The following PTPN9 variants were observed in gnomAD, a reference collection of about 807,000 sequenced individuals.
PTPN9 encodes the protein protein tyrosine phosphatase non-receptor type 9, also known as tyrosine-protein phosphatase non-receptor type 9.
PTPN9 carries 26 observed loss-of-function variants against 69.8 expected under a neutral mutation model. The observed-to-expected ratio is 0.37, with a 90% confidence interval of 0.27 to 0.52. The LOEUF (loss-of-function observed/expected upper bound fraction) is 0.52, where lower values mean the gene tolerates loss of function less well. Ranked by LOEUF, PTPN9 falls within the 20% of genes least tolerant of loss-of-function variation. The pLI is 0.91. For synonymous variants in PTPN9, 274 were observed against 272.5 expected (o/e 1.01, Z -0.05); for missense variants, 549 against 740.3 (o/e 0.74, Z 3.00).
intron 1 of PTPN9, among the ~76,000 whole-genome samples, chr15:75,536,155 C>CA (rs2074981538): frequency 6.6e-6 from 1 of 152,104 alleles, no homozygotes; most frequent in Non-Finnish European, 1.5e-5. Flanking sequence ...TCTGTGCACA[C>CA]ACACATTTAA....
At chr15:75,569,906 CT>C (rs1167761401) in intron 1 of PTPN9, among the ~76,000 whole-genome samples, 1 of 151,948 alleles carries the variant, frequency 6.6e-6, no homozygotes, top group African/African-American at 2.4e-5. Flanking sequence ...ACAGCAACCC[CT>C]GCCTCCCGGT....
At chr15:75,575,519 C>T (rs571445327) in intron 1 of PTPN9, among the ~76,000 whole-genome samples, 2 of 152,270 alleles carry the variant, frequency 1.3e-5, no homozygotes, top group East Asian at 1.9e-4. Flanking sequence ...TTGGTTTGAG[C>T]AATAGGGCAG....
At chr15:75,484,239 G>T (rs1332926457) in intron 8 of PTPN9, among the ~76,000 whole-genome samples, 2 of 152,128 alleles carry the variant, frequency 1.3e-5, no homozygotes, top group African/African-American at 4.8e-5. Flanking sequence ...TTATTTACAA[G>T]AAAAGGGTCC....
rs1486140170 is a variant in PTPN9 at position 75,492,131 on chromosome 15, C to A, written c.969-1830G>T. ...CAAGCAATCCTCCCGCCTCAGCCTC[C>A]CAAAGTGCTGGGATTATAGGTGTGA... On this transcript the variant is annotated intron_variant, in intron 7 of 12. Transcript: ENST00000618819. Among the ~76,000 whole-genome samples, 4 of 152,128 alleles carry A rather than the reference C, an allele frequency of 2.6e-5. No homozygotes were observed. The East Asian group carries it at 7.7e-4, about 29-fold the overall frequency.
intron 1 of PTPN9, among the ~76,000 whole-genome samples, chr15:75,551,034 G>A (rs2075054698): frequency 6.6e-6 from 1 of 152,194 alleles, no homozygotes; most frequent in South Asian, 2.1e-4. Context: ...GCTGGGCCAT[G>A]AGGCAAGTAC....
At chr15:75,526,139 G>A (rs548689576) in intron 2 of PTPN9, among the ~76,000 whole-genome samples, 18 of 151,874 alleles carry the variant, frequency 1.2e-4, no homozygotes, top group African/African-American at 4.1e-4. Flanking sequence ...GGGAATACAG[G>A]TGCCACTACA....
At chr15:75,551,473 C>A (rs1361487363) in intron 1 of PTPN9, among the ~76,000 whole-genome samples, 1 of 152,154 alleles carries the variant, frequency 6.6e-6, no homozygotes, top group Non-Finnish European at 1.5e-5. Flanking sequence ...GATTCTCCTG[C>A]CTCTGCCTCC....
At chr15:75,539,668 A>C (rs1005803198) in intron 1 of PTPN9, among the ~76,000 whole-genome samples, 1 of 150,788 alleles carries the variant, frequency 6.6e-6, no homozygotes, top group Admixed American at 6.6e-5. Context: ...TGAATATGTG[A>C]ACTTTTTTAT....
intron 1 of PTPN9, among the ~76,000 whole-genome samples, chr15:75,572,685 C>T (rs535190601): frequency 2.6e-5 from 4 of 151,090 alleles, no homozygotes; most frequent in East Asian, 2.0e-4. Flanking sequence ...CCAGCCTGGG[C>T]GACAGAGCGA....
intron 1 of PTPN9, among the ~76,000 whole-genome samples, chr15:75,574,288 A>AC: frequency 7.3e-6 from 1 of 136,566 alleles, no homozygotes; most frequent in Non-Finnish European, 1.6e-5. Context: ...CTGTCTCCAC[A>AC]AAAAAAAAAA....
intron 7 of PTPN9, among the ~76,000 whole-genome samples, chr15:75,496,727 G>A (rs886539654): frequency 3.3e-5 from 5 of 151,794 alleles, no homozygotes; most frequent in African/African-American, 1.2e-4. Context: ...GGCTGGTCTT[G>A]AAATCCTAGG....
chr15:75,501,988 T>A (rs1271025577), intron 7 of PTPN9, among the ~76,000 whole-genome samples: 3 of 151,804 alleles, frequency 2.0e-5, no homozygotes, highest in Non-Finnish European at 4.4e-5. Flanking sequence ...CAAAACCCCA[T>A]CTCTTCAAAA....
chr15:75,578,595 G>A, intron 1 of PTPN9, 119 bp downstream of exon 1: 1 of 852,352 alleles, frequency 1.2e-6, no homozygotes, highest in Non-Finnish European at 1.6e-6. Context: ...CGCGAGCCGG[G>A]CACGGGAGCG....
Position 75,508,901 on chromosome 15 carries a change from G to T in PTPN9, c.639+16C>A, listed in dbSNP as rs2074832772. 6.3e-7 allele frequency: 1 copy of T among 1,583,428 alleles called. No homozygotes were observed. Among genetic ancestry groups the T allele is most frequent in the Non-Finnish European group, 8.7e-7 (1 of 1,153,710 alleles). ...ATCTATTCACCTCCAGATAAAAAAG[G>T]GCAAGCTTGCCTTACCCTCTCCCGG... On this transcript the variant is annotated intron_variant, in intron 6 of 12. Transcript: ENST00000618819.
At chr15:75,508,385 C>T (rs1039333027) in intron 6 of PTPN9, among the ~76,000 whole-genome samples, 3 of 151,824 alleles carry the variant, frequency 2.0e-5, no homozygotes, top group Non-Finnish European at 4.4e-5. Context: ...TAATTTTGAA[C>T]GCTTTTGAAA....
At chr15:75,526,564 CA>C (rs1303888346) in intron 2 of PTPN9, among the ~76,000 whole-genome samples, 1 of 151,996 alleles carries the variant, frequency 6.6e-6, no homozygotes, top group Non-Finnish European at 1.5e-5. Flanking sequence ...AGCACAAAAC[CA>C]AAGTCTATGC....
chr15:75,482,143 G>T (rs1286091938), intron 8 of PTPN9, among the ~76,000 whole-genome samples: 4 of 151,588 alleles, frequency 2.6e-5, no homozygotes, highest in Non-Finnish European at 5.9e-5. Context: ...GGATCCTGTT[G>T]ATCTGTGACC....
intron 1 of PTPN9, among the ~76,000 whole-genome samples, chr15:75,573,111 G>C (rs1419329426): frequency 6.6e-6 from 1 of 152,212 alleles, no homozygotes; most frequent in Non-Finnish European, 1.5e-5. Context: ...GTGTAAAAGA[G>C]GAAACACTGG....
At chr15:75,578,397 T>C (rs2075183350) in intron 1 of PTPN9, among the ~76,000 whole-genome samples, 1 of 152,074 alleles carries the variant, frequency 6.6e-6, no homozygotes, top group African/African-American at 2.4e-5. Context: ...GCAGCGGTTC[T>C]GCAAATCTCG....
Sources: allele counts gnomAD v4.1 joint callset (sites outside exome capture counted in the v4.1 genomes callset), GRCh38; gene constraint gnomAD v4.1.1; transcripts MANE v1.5; gene names NCBI Gene and HGNC (gene_info 2026-07-23, HGNC 2026-07-21).